Variants in NRXN3 observed in about 807,000 individuals in gnomAD.
The protein encoded by NRXN3 is neurexin 3, also known as neurexin III.
In NRXN3, 32 loss-of-function variants were observed where a neutral mutation model predicts 137.6. The observed-to-expected ratio is 0.23, with a 90% CI of 0.18 to 0.31. The LOEUF is 0.31. Ranked by LOEUF, NRXN3 falls within the 10% of genes least tolerant of loss-of-function variation. The pLI, the probability that NRXN3 is intolerant of heterozygous loss-of-function variation, is 1.00. For missense variants in NRXN3, 1,574 were observed against 2,062.5 expected (o/e 0.76, Z 4.59); for synonymous variants, 798 against 784.5 (o/e 1.02, Z -0.29).
At chr14:79,586,325 CA>C (rs2097765069) in intron 16 of NRXN3, among the ~76,000 whole-genome samples, 1 of 152,178 alleles carries the variant, frequency 6.6e-6, no homozygotes, top group Non-Finnish European at 1.5e-5. Context: ...AATCAGAAAG[CA>C]AAGAATGTAA....
intron 2 of NRXN3, chr14:78,250,132 C>T (rs953924234): frequency 1.9e-6 from 1 of 514,122 alleles, no homozygotes. Flanking sequence ...AATAACTTGC[C>T]CAAGATTGTG....
chr14:79,159,473 G>A (rs561284322), intron 15 of NRXN3, among the ~76,000 whole-genome samples: 18 of 151,896 alleles, frequency 1.2e-4, no homozygotes, highest in East Asian at 5.9e-4. Context: ...TGTCTATGGC[G>A]TTGGCTATTG....
intron 10 of NRXN3, among the ~76,000 whole-genome samples, chr14:78,815,479 C>CTTTTTTTTTTTTTTTTTTTTT (rs61411777): frequency 3.6e-5 from 3 of 84,436 alleles, no homozygotes; most frequent in Admixed American, 1.9e-4. Flanking sequence ...TTGTTTCTTT[C>CTTTTTTTTTTTTTTTTTTTTT]TTTTTTTTTT....
At chr14:78,534,605 A>G (rs777407615) in intron 4 of NRXN3, among the ~76,000 whole-genome samples, 3 of 152,256 alleles carry the variant, frequency 2.0e-5, no homozygotes, top group Non-Finnish European at 4.4e-5. Context: ...TTTGCTCAGA[A>G]CATTGTTATG....
intron 4 of NRXN3, among the ~76,000 whole-genome samples, chr14:78,409,977 T>C (rs2092725658): frequency 1.3e-5 from 2 of 152,206 alleles, no homozygotes; most frequent in African/African-American, 4.8e-5. Flanking sequence ...TTCTTTGAAC[T>C]TAGTTCTCCT....
intron 1 of NRXN3, among the ~76,000 whole-genome samples, chr14:78,215,733 G>A (rs1021582382): frequency 4.0e-5 from 5 of 125,800 alleles, no homozygotes; most frequent in African/African-American, 9.0e-5. Flanking sequence ...GGGAAGTTTC[G>A]TTTGTGCTGG....
chr14:79,639,854 G>C (rs6574516), intron 16 of NRXN3, among the ~76,000 whole-genome samples: 14,643 of 152,094 alleles, frequency 0.096, 2,385 homozygotes, highest in African/African-American at 0.33. Flanking sequence ...TTTGGCTTCT[G>C]TTTCCGATAA....
At chr14:79,411,096 A>G (rs1476841209) in intron 15 of NRXN3, among the ~76,000 whole-genome samples, 1 of 152,094 alleles carries the variant, frequency 6.6e-6, no homozygotes, top group Non-Finnish European at 1.5e-5. Flanking sequence ...ATTTTGTCCA[A>G]GTGGTTACTG....
At chr14:78,310,260 CTTTTTTTT>C (rs201314931) in intron 4 of NRXN3, among the ~76,000 whole-genome samples, 4 of 125,696 alleles carry the variant, frequency 3.2e-5, no homozygotes, top group East Asian at 2.2e-4. Context: ...TTATGAATGG[CTTTTTTTT>C]TTTTTTTTTT....
At chr14:79,451,270 C>T (rs905142190) in intron 15 of NRXN3, among the ~76,000 whole-genome samples, 1 of 152,040 alleles carries the variant, frequency 6.6e-6, no homozygotes. Flanking sequence ...AAATGAGCTC[C>T]AGCATAACAC....
intron 15 of NRXN3, among the ~76,000 whole-genome samples, chr14:79,080,607 G>A (rs960960958): frequency 9.2e-5 from 14 of 151,936 alleles, no homozygotes; most frequent in Admixed American, 4.6e-4. Context: ...CTCCTTTGTC[G>A]TTATATGTTT....
intron 15 of NRXN3, among the ~76,000 whole-genome samples, chr14:79,441,422 C>T (rs1401469923): frequency 8.3e-6 from 1 of 120,050 alleles, no homozygotes. Context: ...CTCTGTTGTC[C>T]AGGCTGGAGT....
intron 16 of NRXN3, among the ~76,000 whole-genome samples, chr14:79,504,909 A>G (rs991057900): frequency 6.6e-6 from 1 of 152,048 alleles, no homozygotes; most frequent in Non-Finnish European, 1.5e-5. Context: ...ATATCAAATA[A>G]CATTAAAAGA....
intron 4 of NRXN3, among the ~76,000 whole-genome samples, chr14:78,454,478 G>A (rs531304823): frequency 1.5e-4 from 23 of 152,312 alleles, no homozygotes; most frequent in African/African-American, 5.5e-4. Flanking sequence ...CACTAATAAA[G>A]TTGGAATGGT....
At chr14:78,816,264 G>A (rs541486456) in intron 10 of NRXN3, among the ~76,000 whole-genome samples, 133 of 152,154 alleles carry the variant, frequency 8.7e-4, no homozygotes, top group South Asian at 3.7e-3. Context: ...CCCACTCATC[G>A]TATTCCTCAA....
chr14:79,575,351 G>C (rs1204184207), intron 16 of NRXN3, among the ~76,000 whole-genome samples: 1 of 152,096 alleles, frequency 6.6e-6, no homozygotes, highest in Non-Finnish European at 1.5e-5. Context: ...AAGAACTGAA[G>C]ACATAAACAA....
Position 78,823,825 on chromosome 14 carries a change from G to A in NRXN3, c.2275+13481G>A, listed in dbSNP as rs762588530. On this transcript the variant is annotated intron_variant, in intron 10 of 20. Coordinates refer to ENST00000335750, the MANE Select transcript of NRXN3 (RefSeq NM_001330195.2). ...GCAATTGAGCTTCATGCCTCTTCAT[G>A]GGTTACACGTTAAAAAAAAAATAGC... is the stretch of plus-strand genomic sequence containing the variant. 9.2e-4 allele frequency among the ~76,000 whole-genome samples: 140 copies of A among 151,874 alleles called. 1 individual carries two copies. Among genetic ancestry groups the A allele is most frequent in the Non-Finnish European group, 8.1e-4 (55 of 68,016 alleles).
At chr14:78,509,682 C>A (rs1283267468) in intron 4 of NRXN3, among the ~76,000 whole-genome samples, 1 of 152,098 alleles carries the variant, frequency 6.6e-6, no homozygotes, top group Non-Finnish European at 1.5e-5. Flanking sequence ...TGCAGCAATC[C>A]TTTTCACCTT....
chr14:79,778,435 AAAC>A (rs1225206597), intron 19 of NRXN3, among the ~76,000 whole-genome samples: 8 of 152,092 alleles, frequency 5.3e-5, no homozygotes, highest in Non-Finnish European at 8.8e-5. Context: ...AAACAAAACA[AAAC>A]AAAACAAAAA....
Sources: gnomAD v4.1 joint callset for allele counts (sites outside exome capture counted in the v4.1 genomes callset) on GRCh38, gnomAD v4.1.1 for gene constraint, MANE v1.5 for transcripts, NCBI Gene and HGNC (gene_info 2026-07-23, HGNC 2026-07-21) for gene names.